The following LRRC53 variants were observed in gnomAD, a reference collection of about 807,000 sequenced individuals.
The protein encoded by LRRC53 is leucine rich repeat containing 53.
LRRC53 carries 25 observed loss-of-function variants against 13.6 expected under a neutral mutation model. The observed-to-expected ratio is 1.83, with a 90% CI of 1.34 to 2.56. LRRC53 has a LOEUF of 2.56. Among genes scored for constraint, LRRC53 ranks in the 30% most tolerant of loss-of-function variants. The pLI, the probability that LRRC53 is intolerant of heterozygous loss-of-function variation, is 0.00. For missense variants in LRRC53, 527 were observed against 275.8 expected (o/e 1.91, Z -6.45); for synonymous variants, 204 against 109.8 (o/e 1.86, Z -5.37).
At chr1:74,515,276 G>C (rs959454149), upstream of LRRC53, among the ~76,000 whole-genome samples, 1 of 152,154 alleles carries the variant, frequency 6.6e-6, no homozygotes, top group African/African-American at 2.4e-5. Flanking sequence ...ACTCCAGACT[G>C]AATGTTAGGT....
At chr1:74,507,873 C>G (rs1570717849) in intron 1 of LRRC53, among the ~76,000 whole-genome samples, 1 of 152,182 alleles carries the variant, frequency 6.6e-6, no homozygotes, top group South Asian at 2.1e-4. Flanking sequence ...ATTTTTTCCT[C>G]TCTGGTTAGT....
At chr1:74,480,082 A>C in intron 3 of LRRC53, 71 bp downstream of exon 3, 1 of 638,672 alleles carries the variant, frequency 1.6e-6, no homozygotes, top group Non-Finnish European at 2.9e-6. Flanking sequence ...TGAGATAAGC[A>C]TCACTTAGCA....
chr1:74,505,215 A>T (rs1318180377), intron 1 of LRRC53, among the ~76,000 whole-genome samples: 2 of 152,164 alleles, frequency 1.3e-5, no homozygotes, highest in African/African-American at 2.4e-5. Flanking sequence ...TGCTTTTGAG[A>T]CTGCTTCTGC....
At position 74,474,336 on chromosome 1, in the gene LRRC53, G is replaced by A. The variant is rs1193003641; in HGVS notation, c.1420+959C>T. ...TTCTTTCCTCAGCCATCCCTCTGTT[G>A]TGTGAAATCATCAACCCCCAGACAC... is the stretch of plus-strand genomic sequence containing the variant. On this transcript the variant is annotated intron_variant, in intron 4 of 4. Transcript: ENST00000294635. Among the ~76,000 whole-genome samples the A allele has an allele frequency of 2.0e-5, 3 of 152,246 alleles. No homozygotes were observed. In the East Asian group the frequency reaches 5.8e-4, roughly 29 times the overall value.
chr1:74,470,339 T>C lies in LRRC53; in HGVS notation c.3283A>G (p.Ser1095Gly), dbSNP rs1041725724. 11 of 400,546 alleles carry C rather than the reference T, an allele frequency of 2.7e-5. No individual in the cohort carries two copies. Among genetic ancestry groups the C allele is most frequent in the African/African-American group, 6.2e-5 (3 of 48,706 alleles). The allele number at this position is 400,546 out of a possible 1,614,324, so 24.8% of individuals were successfully genotyped here. A position where few individuals can be genotyped will look rare whatever the true frequency, so the allele number is the denominator to read the frequency against. ...ATTTGTGAGATCTGAGTTAACATAC[T>C]AGAATCTGTCTTGCTTTCATCAAGC... ...NMLDESKTDS[S>G]MLTQISQMTL... Residue 1095 changes from serine to glycine, a missense_variant, in exon 5 of 5, where the codon AGT becomes GGT. Coordinates refer to ENST00000294635, the MANE Select transcript of LRRC53 (RefSeq NM_001382280.1).
the LRRC53 span, among the ~76,000 whole-genome samples, chr1:74,527,118 T>C: frequency 6.6e-6 from 1 of 152,160 alleles, no homozygotes; most frequent in East Asian, 1.9e-4. Context: ...ATCCATCTCC[T>C]AGTGGAAAAA....
rs149410523 is a variant in LRRC53 at position 74,470,274 on chromosome 1, C to T, written c.3348G>A (p.Trp1116Ter). Residue 1116 changes from tryptophan (W) to a stop codon, truncating the protein, a stop_gained, in exon 5 of 5, where the codon TGG (tryptophan) becomes TGA (stop). Coordinates refer to ENST00000294635, the MANE Select transcript of LRRC53 (RefSeq NM_001382280.1). LOFTEE classifies it low-confidence loss of function (END_TRUNC). ...KGITKERQQTWENGTSEKYIL... is the reference protein window; with the variant it reads ...KGITKERQQT The stretch of plus-strand genomic sequence containing the variant: ...TATATTTTTCACTTGTTCCATTTTC[C>T]CAAGTTTGCTGCCTTTCTTTTGTGA... 5.6e-4 allele frequency: 225 copies of T among 400,634 alleles called. No individual in the cohort carries two copies. Among genetic ancestry groups the T allele is most frequent in the African/African-American group, 4.4e-3 (215 of 48,818 alleles). 24.8% of individuals were successfully genotyped at this position (400,634 alleles called of 1,614,324 possible).
At chr1:74,536,076 A>G in the LRRC53 span, among the ~76,000 whole-genome samples, 2 of 152,106 alleles carry the variant, frequency 1.3e-5, no homozygotes, top group Admixed American at 1.3e-4. Flanking sequence ...TCCTTTCTGA[A>G]GCTTTGCCTA....
At chr1:74,518,873 C>CTTTTTTTTTTTTTTTTT in the LRRC53 span, among the ~76,000 whole-genome samples, 2 of 100,332 alleles carry the variant, frequency 2.0e-5, no homozygotes, top group Non-Finnish European at 3.5e-5. Context: ...TTTTTTTTCC[C>CTTTTTTTTTTTTTTTTT]CTTTTTTTTT....
Position 74,512,492 on chromosome 1 carries a change from T to G in LRRC53, c.-27+34A>C, listed in dbSNP as rs953149982. ...TAAAGGTGTAAAAATCCAGCCATCA[T>G]AACAAAAACACCAAAAGAAAGAAAT... On this transcript the variant is annotated intron_variant, in intron 1 of 4. Transcript: ENST00000294635. 3 of 152,192 alleles carry G rather than the reference T, an allele frequency of 2.0e-5. No individual in the cohort carries two copies. In the South Asian group the frequency reaches 6.2e-4, roughly 32 times the overall value. 9.4% of individuals were successfully genotyped at this position (152,192 alleles called of 1,614,324 possible). A position where few individuals can be genotyped will look rare whatever the true frequency, so the allele number is the denominator to read the frequency against.
chr1:74,524,219 T>A, the LRRC53 span, among the ~76,000 whole-genome samples: 1 of 152,208 alleles, frequency 6.6e-6, no homozygotes, highest in Admixed American at 6.5e-5. Flanking sequence ...ATCAGAAGTA[T>A]TTAGAGGCAT....
intron 1 of LRRC53, among the ~76,000 whole-genome samples, chr1:74,495,214 T>A (rs1669267925): frequency 6.6e-6 from 1 of 152,226 alleles, no homozygotes; most frequent in South Asian, 2.1e-4. Context: ...CCTGAGGATT[T>A]GCTGTGAGCG....
At position 74,477,693 on chromosome 1, in the gene LRRC53, A is replaced by G. The variant is rs569102637; in HGVS notation, c.905-1883T>C. 2.8e-3 allele frequency among the ~76,000 whole-genome samples: 430 copies of G among 152,322 alleles called. 1 individual carries two copies. The highest frequency in any genetic ancestry group is 9.5e-3 in the African/African-American group (393 of 41,574). ...CTCCCCTGCTCTTGATACTAGGTAT[A>G]TATCTGTATCCCATTACCAGTCAGG... On this transcript the variant is annotated intron_variant, in intron 3 of 4. Coordinates refer to ENST00000294635, the MANE Select transcript of LRRC53 (RefSeq NM_001382280.1).
At chr1:74,477,383 T>A (rs1326681353) in intron 3 of LRRC53, among the ~76,000 whole-genome samples, 1 of 152,156 alleles carries the variant, frequency 6.6e-6, no homozygotes, top group Non-Finnish European at 1.5e-5. Context: ...CAGTGAATGT[T>A]CATTGTGATT....
intron 4 of LRRC53, among the ~76,000 whole-genome samples, chr1:74,474,762 A>C (rs2100745761): frequency 6.6e-6 from 1 of 152,262 alleles, no homozygotes; most frequent in African/African-American, 2.4e-5. Flanking sequence ...ACAATGAATT[A>C]AGTCCTGACT....
At chr1:74,489,334 T>C (rs1305325082) in intron 1 of LRRC53, 3 of 1,414,094 alleles carry the variant, frequency 2.1e-6, no homozygotes, top group Admixed American at 4.4e-5. Context: ...CTGGTGCTTA[T>C]GAAAAGTTAC....
chr1:74,506,623 T>A (rs1669915795), intron 1 of LRRC53, among the ~76,000 whole-genome samples: 1 of 152,208 alleles, frequency 6.6e-6, no homozygotes, highest in Admixed American at 6.5e-5. Flanking sequence ...TGGCATCACC[T>A]AGGAGCTTGT....
At chr1:74,527,677 G>C in the LRRC53 span, among the ~76,000 whole-genome samples, 2 of 152,120 alleles carry the variant, frequency 1.3e-5, no homozygotes, top group African/African-American at 4.8e-5. Flanking sequence ...ACATGTGTTG[G>C]GCAGCCACTG....
intron 1 of LRRC53, among the ~76,000 whole-genome samples, chr1:74,502,248 G>T (rs1279264101): frequency 4.6e-5 from 7 of 152,216 alleles, no homozygotes; most frequent in African/African-American, 1.7e-4. Flanking sequence ...CTCTCCTTTT[G>T]CTGCTGTTTC....
Sources: gnomAD v4.1 joint callset for allele counts (sites outside exome capture counted in the v4.1 genomes callset) on GRCh38, gnomAD v4.1.1 for gene constraint, MANE v1.5 for transcripts, NCBI Gene and HGNC (gene_info 2026-07-23, HGNC 2026-07-21) for gene names.